WDR72: variants seen among roughly 807,000 people sequenced by gnomAD.
WDR72 encodes WD repeat domain 72, also known as WD repeat-containing protein 72.
WDR72 carries 120 observed loss-of-function variants against 124.2 expected under a neutral mutation model. That is an observed-to-expected ratio of 0.97 (90% confidence interval 0.83 to 1.12). WDR72 has a LOEUF of 1.12. WDR72 is among the 50% of genes most tolerant of loss of function. The pLI, the probability that WDR72 is intolerant of heterozygous loss-of-function variation, is 0.00. For synonymous variants in WDR72, 452 were observed against 441.7 expected, an observed-to-expected ratio of 1.02 and a Z score of -0.29; for missense variants, 1,387 against 1,278.8, an observed-to-expected ratio of 1.08 and a Z score of -1.29.
rs144216031 is a variant in WDR72, at chr15:53,601,195, G to T, written c.2953-3921C>A. On this transcript the variant is annotated intron_variant, in intron 17 of 19. Transcript: ENST00000360509. ...ACCCTGCATGCCAGAAGAGATTGGG[G>T]GACAATATTCAAAATTCTTAAATAA... 2.2e-3 allele frequency among the ~76,000 whole-genome samples: 334 copies of T among 152,094 alleles called. 1 individual carries two copies. The highest frequency in any genetic ancestry group is 7.8e-3 in the African/African-American group (322 of 41,494).
At chr15:53,688,910 G>A (rs1236424231) in intron 13 of WDR72, among the ~76,000 whole-genome samples, 10 of 151,984 alleles carry the variant, frequency 6.6e-5, no homozygotes, top group Non-Finnish European at 8.8e-5. Flanking sequence ...AAATAACGCC[G>A]CATATCTACA....
intron 18 of WDR72, among the ~76,000 whole-genome samples, chr15:53,538,064 C>T (rs182133366): frequency 3.9e-5 from 6 of 152,070 alleles, no homozygotes; most frequent in Non-Finnish European, 8.8e-5. Context: ...TAACATAGAA[C>T]CTCATTGGAA....
chr15:53,671,952 G>C (rs887621469), intron 13 of WDR72, among the ~76,000 whole-genome samples: 1 of 151,894 alleles, frequency 6.6e-6, no homozygotes, highest in African/African-American at 2.4e-5. Context: ...AAAGGGAAGA[G>C]GGAGAGGAGA....
chr15:53,710,922 C>T lies in WDR72; in HGVS notation c.889G>A (p.Gly297Arg). 1 of 1,613,834 alleles carries T rather than the reference C, an allele frequency of 6.2e-7. No individual in the cohort carries two copies. Among genetic ancestry groups the T allele is most frequent in the Non-Finnish European group, 8.5e-7 (1 of 1,179,902 alleles). Residue 297 changes from glycine (G) to arginine (R), a missense_variant, in exon 9 of 20, where the codon GGA (glycine) becomes AGA (arginine). Coordinates refer to ENST00000360509, the MANE Select transcript of WDR72 (RefSeq NM_182758.4). ...GLSKSIYPAD[G>R]RVLKETIYPH... is the part of the protein sequence containing the mutation. ...TAAATGGTCTCTTTAAGCACTCTTCCATCAGCAGGGTATATGCTTTTTGAA... is the reference window on the plus strand; with the variant it reads ...TAAATGGTCTCTTTAAGCACTCTTCTATCAGCAGGGTATATGCTTTTTGAA...
chr15:53,644,329 GAA>G (rs2014964666), intron 14 of WDR72, among the ~76,000 whole-genome samples: 1 of 151,664 alleles, frequency 6.6e-6, no homozygotes, highest in African/African-American at 2.4e-5. Flanking sequence ...GATGTTTAAG[GAA>G]AAAAATCGAG....
chr15:53,573,519 T>C (rs141034280), intron 18 of WDR72, among the ~76,000 whole-genome samples: 79 of 152,236 alleles, frequency 5.2e-4, no homozygotes, highest in African/African-American at 1.9e-3. Flanking sequence ...TTAACTCCTT[T>C]ATCCATTTTA....
intron 13 of WDR72, among the ~76,000 whole-genome samples, chr15:53,668,924 G>GGAA (rs60897328): frequency 0.033 from 2,877 of 86,140 alleles, 74 homozygotes; most frequent in East Asian, 0.093. Flanking sequence ...AAAAAAAAGA[G>GGAA]GAAGGAGGAG....
At position 53,685,706 on chromosome 15, in the gene WDR72, G is replaced by A. The variant is rs937164287; in HGVS notation, c.1765+14044C>T. Among the ~76,000 whole-genome samples, 28 of 151,466 alleles carry A rather than the reference G, an allele frequency of 1.8e-4. No homozygotes were observed. In the South Asian group the frequency reaches 1.9e-3, roughly 10 times the overall value. On this transcript the variant is annotated intron_variant, in intron 13 of 19. Coordinates refer to ENST00000360509, the MANE Select transcript of WDR72 (RefSeq NM_182758.4). ...CCAACATTCAGATTCAGGAAATACA[G>A]AGAACACCGCAAAGATACTCCTCGA...
chr15:53,561,493 C>A (rs1894123241), intron 18 of WDR72, among the ~76,000 whole-genome samples: 1 of 151,786 alleles, frequency 6.6e-6, no homozygotes, highest in Non-Finnish European at 1.5e-5. Context: ...CATTCTGGTT[C>A]TATTTCCTCA....
chr15:53,516,217 C>A lies in WDR72; in HGVS notation c.*1482G>T, dbSNP rs1251780836. ...CAAATGTAATTTCAAGCAGTAAAAT[C>A]ATATTTTAGGAAACAAAGAATGCAC... On this transcript the variant is annotated 3_prime_UTR_variant, in exon 20 of 20. Transcript: ENST00000360509. 6.6e-6 allele frequency: 1 copy of A among 152,056 alleles called. No individual in the cohort carries two copies. 9.4% of individuals were successfully genotyped at this position (152,056 alleles called of 1,614,324 possible).
chr15:53,587,277 T>G (rs77469209), intron 18 of WDR72, among the ~76,000 whole-genome samples: 2,565 of 152,150 alleles, frequency 0.017, 51 homozygotes, highest in East Asian at 0.11. Context: ...TAACATACTT[T>G]GAATTTTCTA....
intron 1 of WDR72, among the ~76,000 whole-genome samples, chr15:53,738,206 C>T (rs911605704): frequency 1.3e-5 from 2 of 151,954 alleles, no homozygotes; most frequent in African/African-American, 4.8e-5. Flanking sequence ...GCCTTAAACA[C>T]ATAAATACAT....
At chr15:53,601,914 T>C (rs946173341) in intron 17 of WDR72, among the ~76,000 whole-genome samples, 1 of 152,128 alleles carries the variant, frequency 6.6e-6, no homozygotes, top group Non-Finnish European at 1.5e-5. Context: ...AACACCCCAC[T>C]GACAATATTA....
intron 14 of WDR72, among the ~76,000 whole-genome samples, chr15:53,656,304 G>A (rs371705206): frequency 6.6e-6 from 1 of 152,198 alleles, no homozygotes; most frequent in African/African-American, 2.4e-5. Flanking sequence ...AACTGGTGGT[G>A]CCTTCAGGGC....
chr15:53,666,674 A>G (rs957802688), intron 13 of WDR72, among the ~76,000 whole-genome samples: 6 of 152,196 alleles, frequency 3.9e-5, no homozygotes, highest in African/African-American at 1.4e-4. Flanking sequence ...TTTTCCACCA[A>G]TGAGAAAGAA....
At chr15:53,609,441 GA>G in intron 17 of WDR72, 71 bp downstream of exon 17, 1 of 1,304,244 alleles carries the variant, frequency 7.7e-7, no homozygotes, top group Non-Finnish European at 1.1e-6. Context: ...TTTTCAGATA[GA>G]GGGGGGTATC....
At chr15:53,596,030 TCATAAAAAC>T (rs1208932816) in intron 18 of WDR72, among the ~76,000 whole-genome samples, 15 of 152,120 alleles carry the variant, frequency 9.9e-5, no homozygotes, top group Admixed American at 6.6e-4. Context: ...ATCAGTAATC[TCATAAAAAC>T]AATGAGAAGA....
chr15:53,685,686 A>G (rs1219365707), intron 13 of WDR72, among the ~76,000 whole-genome samples: 8 of 151,528 alleles, frequency 5.3e-5, no homozygotes, highest in East Asian at 2.0e-4. Flanking sequence ...GCAGGCCAAC[A>G]TTCAGATTCA....
Position 53,738,303 on chromosome 15 carries a change from A to T in WDR72, c.-12-5142T>A, listed in dbSNP as rs114473341. On this transcript the variant is annotated intron_variant, in intron 1 of 19. Transcript: ENST00000360509. ...AAGAAGAGCAGGGTAAATACAAAGAATGCAAAAGGAAACAATGTAGACAAA... is the reference window on the plus strand; with the variant it reads ...AAGAAGAGCAGGGTAAATACAAAGATTGCAAAAGGAAACAATGTAGACAAA... Among the ~76,000 whole-genome samples the T allele has an allele frequency of 5.5e-3, 837 of 152,270 alleles. 7 individuals are homozygous for T. The highest frequency in any genetic ancestry group is 0.019 in the African/African-American group (802 of 41,554).
Sources: gnomAD v4.1 joint callset for allele counts (sites outside exome capture counted in the v4.1 genomes callset) on GRCh38, gnomAD v4.1.1 for gene constraint, MANE v1.5 for transcripts, NCBI Gene and HGNC (gene_info 2026-07-23, HGNC 2026-07-21) for gene names.